The following ST3GAL1 variants were observed in gnomAD, a reference collection of about 807,000 sequenced individuals.
ST3GAL1 encodes ST3 beta-galactoside alpha-2,3-sialyltransferase 1.
In ST3GAL1, 16 loss-of-function variants were observed where a neutral mutation model predicts 34.1. The ratio of observed to expected loss-of-function variants is 0.47; its 90% CI spans 0.32 to 0.71. The LOEUF (loss-of-function observed/expected upper bound fraction) is 0.71. Among genes scored for constraint, ST3GAL1 ranks in the 30% least tolerant of loss-of-function variants. The pLI, the probability that ST3GAL1 is intolerant of heterozygous loss-of-function variation, is 0.04. For missense variants in ST3GAL1, 353 were observed against 447.4 expected (o/e 0.79, Z 1.90); for synonymous variants, 191 against 184.7 (o/e 1.03, Z -0.28).
chr8:133,478,598 C>G (rs2130950414), intron 3 of ST3GAL1, among the ~76,000 whole-genome samples: 1 of 152,304 alleles, frequency 6.6e-6, no homozygotes, highest in African/African-American at 2.4e-5. Flanking sequence ...CACAGTTGCT[C>G]CTACCTCCGT....
chr8:133,552,188 C>T (rs568134942), intron 1 of ST3GAL1, among the ~76,000 whole-genome samples: 1 of 152,314 alleles, frequency 6.6e-6, no homozygotes, highest in East Asian at 1.9e-4. Flanking sequence ...GGAACCACAC[C>T]ACTCTGTGTC....
At chr8:133,564,660 G>A (rs1024820829) in intron 1 of ST3GAL1, among the ~76,000 whole-genome samples, 12 of 151,894 alleles carry the variant, frequency 7.9e-5, no homozygotes, top group Non-Finnish European at 1.2e-4. Context: ...AGGTTAAAAG[G>A]CCATGTTGAA....
chr8:133,497,075 C>A (rs923868718), intron 3 of ST3GAL1, among the ~76,000 whole-genome samples: 1 of 152,314 alleles, frequency 6.6e-6, no homozygotes, highest in Non-Finnish European at 1.5e-5. Flanking sequence ...GGGGCCTGAG[C>A]CTAATGGCTG....
intron 1 of ST3GAL1, among the ~76,000 whole-genome samples, chr8:133,551,745 A>G (rs1818872028): frequency 6.6e-6 from 1 of 152,222 alleles, no homozygotes; most frequent in Non-Finnish European, 1.5e-5. Context: ...TCACTTTGAT[A>G]CTGGTAGTAG....
chr8:133,468,849 T>C (rs58329328), intron 5 of ST3GAL1, among the ~76,000 whole-genome samples: 12,987 of 152,228 alleles, frequency 0.085, 610 homozygotes, highest in Admixed American at 0.17. Context: ...GTGGGGGGAC[T>C]ACACTCTGAG....
intron 2 of ST3GAL1, among the ~76,000 whole-genome samples, chr8:133,526,102 G>A (rs1817965448): frequency 6.6e-6 from 1 of 152,208 alleles, no homozygotes; most frequent in Admixed American, 6.5e-5. Flanking sequence ...ATAGGCCACT[G>A]CTGCCATCAC....
At chr8:133,554,391 C>T (rs1156918888) in intron 1 of ST3GAL1, among the ~76,000 whole-genome samples, 2 of 152,168 alleles carry the variant, frequency 1.3e-5, no homozygotes, top group Admixed American at 1.3e-4. Context: ...CACTGACCCT[C>T]TGACAATGGT....
At chr8:133,495,352 C>T (rs1816912538) in intron 3 of ST3GAL1, among the ~76,000 whole-genome samples, 1 of 152,162 alleles carries the variant, frequency 6.6e-6, no homozygotes, top group African/African-American at 2.4e-5. Flanking sequence ...AGACGAGTGA[C>T]CCTACACTCT....
chr8:133,516,666 T>C (rs1817657290), intron 2 of ST3GAL1, among the ~76,000 whole-genome samples: 1 of 152,214 alleles, frequency 6.6e-6, no homozygotes, highest in Non-Finnish European at 1.5e-5. Context: ...AGTCTCACAA[T>C]AGCTCTGTGA....
intron 3 of ST3GAL1, among the ~76,000 whole-genome samples, chr8:133,493,263 A>G (rs1816837362): frequency 6.6e-6 from 1 of 152,218 alleles, no homozygotes; most frequent in Non-Finnish European, 1.5e-5. Flanking sequence ...ATCTCCTCCC[A>G]CAATGCAGTG....
chr8:133,546,779 A>T (rs1818684980), intron 1 of ST3GAL1, among the ~76,000 whole-genome samples: 1 of 151,906 alleles, frequency 6.6e-6, no homozygotes, highest in South Asian at 2.1e-4. Context: ...TGGGCGGATC[A>T]CTTGAGGTCA....
chr8:133,557,232 C>T (rs1402088413), intron 1 of ST3GAL1, among the ~76,000 whole-genome samples: 1 of 152,190 alleles, frequency 6.6e-6, no homozygotes, highest in Non-Finnish European at 1.5e-5. Flanking sequence ...CAAGCTTGCT[C>T]ACCGGGAGGT....
At chr8:133,501,698 G>A (rs892244008) in intron 2 of ST3GAL1, among the ~76,000 whole-genome samples, 5 of 152,142 alleles carry the variant, frequency 3.3e-5, no homozygotes, top group East Asian at 1.9e-4. Flanking sequence ...GCAGTGAGCC[G>A]AGATTGTGCC....
intron 2 of ST3GAL1, among the ~76,000 whole-genome samples, chr8:133,505,778 T>C (rs1262581932): frequency 6.6e-6 from 1 of 152,084 alleles, no homozygotes; most frequent in African/African-American, 2.4e-5. Flanking sequence ...AATTTTTGTA[T>C]TTTTAGTGGA....
At chr8:133,557,651 T>C (rs1819091958) in intron 1 of ST3GAL1, among the ~76,000 whole-genome samples, 4 of 152,092 alleles carry the variant, frequency 2.6e-5, no homozygotes, top group African/African-American at 7.2e-5. Context: ...AGTTTGAGAC[T>C]AGCCTGACCA....
chr8:133,473,621 C>T (rs1014631677), intron 5 of ST3GAL1, among the ~76,000 whole-genome samples: 3 of 152,204 alleles, frequency 2.0e-5, no homozygotes, highest in Non-Finnish European at 4.4e-5. Flanking sequence ...CCACCTCTGC[C>T]ATCAATGTGT....
intron 2 of ST3GAL1, among the ~76,000 whole-genome samples, chr8:133,540,716 TA>T: frequency 9.7e-6 from 1 of 103,544 alleles, no homozygotes; most frequent in African/African-American, 5.6e-5. Flanking sequence ...TACAGACATA[TA>T]TATATATAGA....
At chr8:133,561,177 C>T (rs1469684842) in intron 1 of ST3GAL1, among the ~76,000 whole-genome samples, 1 of 145,560 alleles carries the variant, frequency 6.9e-6, no homozygotes. Flanking sequence ...CAAGCAAGAT[C>T]CCCTGTTCCC....
intron 5 of ST3GAL1, among the ~76,000 whole-genome samples, chr8:133,471,137 G>T (rs1287283651): frequency 6.6e-6 from 1 of 152,142 alleles, no homozygotes; most frequent in Admixed American, 6.5e-5. Context: ...CTCACCGCAG[G>T]CCTCATTCCA....
Sources: gnomAD v4.1 joint callset for allele counts (sites outside exome capture counted in the v4.1 genomes callset) on GRCh38, gnomAD v4.1.1 for gene constraint, MANE v1.5 for transcripts, NCBI Gene and HGNC (gene_info 2026-07-23, HGNC 2026-07-21) for gene names.